The following MIPOL1 variants were observed in gnomAD, a reference collection of about 807,000 sequenced individuals.
MIPOL1 encodes mirror-image polydactyly 1.
MIPOL1 carries 57 observed loss-of-function variants against 60.9 expected under a neutral mutation model. The observed-to-expected ratio is 0.94, with a 90% CI of 0.76 to 1.17. The LOEUF (loss-of-function observed/expected upper bound fraction) is 1.17. Among genes scored for constraint, MIPOL1 ranks in the 50% most tolerant of loss-of-function variants. MIPOL1 has a pLI of 0.00. For synonymous variants in MIPOL1, 179 were observed against 168.8 expected (o/e 1.06, Z -0.47); for missense variants, 551 against 511.6 (o/e 1.08, Z -0.74).
intron 7 of MIPOL1, among the ~76,000 whole-genome samples, chr14:37,299,763 A>G (rs1424779580): frequency 3.9e-5 from 6 of 152,100 alleles, no homozygotes; most frequent in South Asian, 2.1e-4. Context: ...TTACATAACT[A>G]TTAACTAAAC....
chr14:37,284,553 C>T (rs1157910723), intron 6 of MIPOL1, among the ~76,000 whole-genome samples: 1 of 151,822 alleles, frequency 6.6e-6, no homozygotes, highest in Non-Finnish European at 1.5e-5. Context: ...CCATGTTAGC[C>T]GGGATGGTCT....
intron 10 of MIPOL1, among the ~76,000 whole-genome samples, chr14:37,382,085 G>A (rs1235055218): frequency 6.6e-6 from 1 of 151,950 alleles, no homozygotes; most frequent in Non-Finnish European, 1.5e-5. Flanking sequence ...TGGTATTTTA[G>A]GGGGAAGAAT....
intron 12 of MIPOL1, among the ~76,000 whole-genome samples, chr14:37,521,893 A>AATAT (rs1555367649): frequency 1.1e-4 from 13 of 123,568 alleles, no homozygotes; most frequent in Middle Eastern, 4.8e-3. Flanking sequence ...AAGAAAAAAA[A>AATAT]ATATATATAT....
intron 1 of MIPOL1, among the ~76,000 whole-genome samples, chr14:37,238,702 A>G (rs956440464): frequency 2.7e-4 from 41 of 151,794 alleles, no homozygotes; most frequent in Non-Finnish European, 5.0e-4. Context: ...TGTAATCCCA[A>G]CACTTCGGAA....
intron 9 of MIPOL1, among the ~76,000 whole-genome samples, chr14:37,350,101 T>C (rs141028890): frequency 1.3e-5 from 2 of 152,330 alleles, no homozygotes; most frequent in African/African-American, 4.8e-5. Context: ...AAACAGGGTC[T>C]CACTCTGTCG....
At chr14:37,521,906 A>C (rs199971975) in intron 12 of MIPOL1, among the ~76,000 whole-genome samples, 1 of 15,836 alleles carries the variant, frequency 6.3e-5, no homozygotes, top group African/African-American at 2.0e-4. Flanking sequence ...ATATATATAT[A>C]TATATTTTTT....
chr14:37,514,623 CTT>C (rs753425570), intron 12 of MIPOL1, among the ~76,000 whole-genome samples: 24 of 143,734 alleles, frequency 1.7e-4, no homozygotes, highest in East Asian at 2.0e-4. Context: ...AAAATATACA[CTT>C]TTTTTTTTTT....
chr14:37,248,015 T>TGC lies in MIPOL1; in HGVS notation c.19+111_19+112dup. 4 of 1,044,790 alleles carry TGC rather than the reference T, an allele frequency of 3.8e-6. No individual in the cohort carries two copies. The South Asian group carries it at 5.9e-5, about 15-fold the overall frequency. 64.7% of individuals were successfully genotyped at this position (1,044,790 alleles called of 1,614,324 possible). On this transcript the variant is annotated intron_variant, in intron 3 of 12. Transcript: ENST00000684589. ...AATATATTAGACAGAGGTAGACAAG[T>TGC]GCGCACACACACACACAAAACATGC...
chr14:37,241,079 T>G (rs1972280553), intron 1 of MIPOL1, among the ~76,000 whole-genome samples: 1 of 152,062 alleles, frequency 6.6e-6, no homozygotes, highest in African/African-American at 2.4e-5. Flanking sequence ...CTGGTGCCAG[T>G]TCGAAGGCCT....
chr14:37,494,090 G>C (rs1594708642), intron 11 of MIPOL1, among the ~76,000 whole-genome samples: 6 of 152,092 alleles, frequency 3.9e-5, no homozygotes, highest in Admixed American at 3.9e-4. Context: ...GTGCTTCAGT[G>C]GTTACAGATT....
chr14:37,369,968 A>C (rs1007915981), intron 10 of MIPOL1: 3 of 154,022 alleles, frequency 1.9e-5, no homozygotes, highest in African/African-American at 7.2e-5. Context: ...TTTGCTTTGC[A>C]TCAATATTTA....
chr14:37,510,839 A>G (rs969304703), intron 12 of MIPOL1, among the ~76,000 whole-genome samples: 9 of 152,130 alleles, frequency 5.9e-5, no homozygotes, highest in African/African-American at 2.2e-4. Context: ...CCCAGAGCCC[A>G]GAGTTTACTA....
intron 11 of MIPOL1, among the ~76,000 whole-genome samples, chr14:37,434,859 A>AC (rs550205410): frequency 3.3e-5 from 5 of 152,144 alleles, no homozygotes; most frequent in African/African-American, 9.6e-5. Context: ...GCAAAAAAAA[A>AC]AAAAAAACAA....
chr14:37,398,498 C>A (rs2093420916), intron 10 of MIPOL1, among the ~76,000 whole-genome samples: 1 of 152,146 alleles, frequency 6.6e-6, no homozygotes, highest in South Asian at 2.1e-4. Flanking sequence ...CTCCCATCTG[C>A]CATGATGATC....
At chr14:37,201,723 C>T (rs1965373920) in intron 1 of MIPOL1, among the ~76,000 whole-genome samples, 1 of 152,160 alleles carries the variant, frequency 6.6e-6, no homozygotes, top group Admixed American at 6.6e-5. Context: ...TCATCTTTTA[C>T]TCTTGGCCCC....
At chr14:37,486,300 G>A (rs774349695) in intron 11 of MIPOL1, among the ~76,000 whole-genome samples, 3 of 152,134 alleles carry the variant, frequency 2.0e-5, no homozygotes, top group Admixed American at 6.6e-5. Flanking sequence ...TTTTGCTTAG[G>A]ATTGTCTTGG....
chr14:37,404,858 A>G (rs1174417250), intron 10 of MIPOL1, among the ~76,000 whole-genome samples: 2 of 152,202 alleles, frequency 1.3e-5, no homozygotes, highest in Non-Finnish European at 2.9e-5. Context: ...CATCTGTTTC[A>G]ACAGCTGGTA....
At position 37,444,298 on chromosome 14, in the gene MIPOL1, C is replaced by T. The variant is rs962250136; in HGVS notation, c.1031+21349C>T. Among the ~76,000 whole-genome samples, 7 of 151,982 alleles carry T rather than the reference C, an allele frequency of 4.6e-5. No homozygotes were observed. The East Asian group carries it at 1.2e-3, about 25-fold the overall frequency. ...TATTCTAGTAGCTTTTTAAAGGTTG[C>T]ATACAAAATTATGAGAAATTTAAGG... is the stretch of plus-strand genomic sequence containing the variant. On this transcript the variant is annotated intron_variant, in intron 11 of 12. Coordinates refer to ENST00000684589, the MANE Select transcript of MIPOL1 (RefSeq NM_001388067.1).
At chr14:37,444,685 G>A (rs2094304719) in intron 11 of MIPOL1, among the ~76,000 whole-genome samples, 1 of 152,082 alleles carries the variant, frequency 6.6e-6, no homozygotes, top group Non-Finnish European at 1.5e-5. Context: ...TAGATCCGGA[G>A]GATAAGAGAA....
Sources: gnomAD v4.1 joint callset for allele counts (sites outside exome capture counted in the v4.1 genomes callset) on GRCh38, gnomAD v4.1.1 for gene constraint, MANE v1.5 for transcripts, NCBI Gene and HGNC (gene_info 2026-07-23, HGNC 2026-07-21) for gene names.